Variants in LGSN observed in about 807,000 individuals in gnomAD.
LGSN encodes the protein lengsin.
In LGSN, 21 loss-of-function variants were observed where a neutral mutation model predicts 19.5. The observed-to-expected ratio is 1.07, with a 90% CI of 0.76 to 1.55. The LOEUF (loss-of-function observed/expected upper bound fraction) is 1.55. Ranked by LOEUF, LGSN falls within the 40% of genes most tolerant of loss-of-function variation. LGSN has a pLI of 0.00. For missense variants in LGSN, 673 were observed against 608.5 expected (o/e 1.11, Z -1.12); for synonymous variants, 257 against 215.6 (o/e 1.19, Z -1.68).
At position 63,290,995 on chromosome 6, in the gene LGSN, T is replaced by C. The variant is rs140657481; in HGVS notation, c.163+3918A>G. Among the ~76,000 whole-genome samples, 1,094 of 152,300 alleles carry C rather than the reference T, an allele frequency of 7.2e-3. 8 individuals are homozygous for C. The highest frequency in any genetic ancestry group is 8.5e-3 in the Non-Finnish European group (575 of 68,016). On this transcript the variant is annotated intron_variant, in intron 2 of 3. Transcript: ENST00000370657. The stretch of plus-strand genomic sequence containing the variant: ...TTGTTAGTGCTCATGCTCTTCACTT[T>C]GGAGAAATTCATAAAGCCAAAGTAG...
chr6:63,358,809 T>C, the LGSN span, among the ~76,000 whole-genome samples: 3 of 152,206 alleles, frequency 2.0e-5, no homozygotes, highest in Admixed American at 1.3e-4. Context: ...CTTTTCCTTA[T>C]TGAATACCCT....
At chr6:63,410,948 G>A in the LGSN span, among the ~76,000 whole-genome samples, 1 of 152,126 alleles carries the variant, frequency 6.6e-6, no homozygotes, top group Non-Finnish European at 1.5e-5. Context: ...TTGGCATAAA[G>A]CTAGGCCAGA....
the LGSN span, among the ~76,000 whole-genome samples, chr6:63,438,297 A>G: frequency 6.6e-6 from 1 of 152,188 alleles, no homozygotes; most frequent in Non-Finnish European, 1.5e-5. Context: ...GGCATGGGTA[A>G]GGACTTCATG....
the LGSN span, among the ~76,000 whole-genome samples, chr6:63,416,265 C>A: frequency 2.0e-5 from 3 of 152,066 alleles, no homozygotes; most frequent in African/African-American, 7.2e-5. Flanking sequence ...CACGGGCATA[C>A]ATGTTTGAAT....
the LGSN span, among the ~76,000 whole-genome samples, chr6:63,351,747 C>T: frequency 3.2e-4 from 49 of 152,224 alleles, no homozygotes; most frequent in African/African-American, 1.2e-3. Flanking sequence ...TATGAGCCTC[C>T]ACACTCAGCC....
the LGSN span, among the ~76,000 whole-genome samples, chr6:63,328,472 G>A: frequency 0.036 from 5,496 of 152,266 alleles, 338 homozygotes; most frequent in African/African-American, 0.13. Flanking sequence ...GGCACCTAGT[G>A]TGCCATTTAC....
At chr6:63,448,713 T>C in the LGSN span, among the ~76,000 whole-genome samples, 1 of 152,180 alleles carries the variant, frequency 6.6e-6, no homozygotes, top group Non-Finnish European at 1.5e-5. Flanking sequence ...TTGTTTCTTT[T>C]TTCTTCTTTT....
intron 2 of LGSN, among the ~76,000 whole-genome samples, chr6:63,289,816 C>A (rs775223791): frequency 1.3e-5 from 2 of 152,032 alleles, no homozygotes; most frequent in African/African-American, 4.8e-5. Context: ...AGTGCACTTG[C>A]GAGAAAACTC....
chr6:63,439,141 G>A, the LGSN span, among the ~76,000 whole-genome samples: 31 of 152,164 alleles, frequency 2.0e-4, no homozygotes, highest in Non-Finnish European at 3.8e-4. Flanking sequence ...ACTCATAGGT[G>A]GGAATTGAAC....
the LGSN span, among the ~76,000 whole-genome samples, chr6:63,519,205 G>A: frequency 6.6e-6 from 1 of 152,108 alleles, no homozygotes; most frequent in Non-Finnish European, 1.5e-5. Flanking sequence ...TACTCAGAAG[G>A]CTGTGGCGGG....
chr6:63,391,383 G>C, the LGSN span, among the ~76,000 whole-genome samples: 1 of 152,220 alleles, frequency 6.6e-6, no homozygotes, highest in Non-Finnish European at 1.5e-5. Flanking sequence ...GTAGAGGACT[G>C]ATAGCAGCTC....
At chr6:63,296,593 A>G (rs1767985230) in intron 1 of LGSN, among the ~76,000 whole-genome samples, 1 of 152,050 alleles carries the variant, frequency 6.6e-6, no homozygotes, top group African/African-American at 2.4e-5. Flanking sequence ...AGCAGACTAA[A>G]TTTGTCTTAG....
chr6:63,546,023 G>T, the LGSN span, among the ~76,000 whole-genome samples: 2 of 152,054 alleles, frequency 1.3e-5, no homozygotes, highest in African/African-American at 4.8e-5. Flanking sequence ...CCACTTCAGG[G>T]TATATATCCA....
At chr6:63,365,535 T>C in the LGSN span, among the ~76,000 whole-genome samples, 4 of 152,210 alleles carry the variant, frequency 2.6e-5, no homozygotes, top group Non-Finnish European at 5.9e-5. Context: ...CCATTCCTTC[T>C]GAAACTATTC....
the LGSN span, among the ~76,000 whole-genome samples, chr6:63,436,785 C>A: frequency 6.6e-6 from 1 of 152,110 alleles, no homozygotes; most frequent in Admixed American, 6.6e-5. Flanking sequence ...CCTGTAATCC[C>A]AACACTTTGG....
At chr6:63,478,447 T>C in the LGSN span, among the ~76,000 whole-genome samples, 1 of 151,668 alleles carries the variant, frequency 6.6e-6, no homozygotes, top group Non-Finnish European at 1.5e-5. Flanking sequence ...TCTTCATGTA[T>C]TGCTTTCCCT....
the LGSN span, among the ~76,000 whole-genome samples, chr6:63,532,907 T>C: frequency 6.6e-6 from 1 of 152,222 alleles, no homozygotes; most frequent in Non-Finnish European, 1.5e-5. Context: ...AATCCATTAA[T>C]AATTAATGTA....
the LGSN span, chr6:63,441,369 T>G: frequency 2.1e-6 from 1 of 471,530 alleles, no homozygotes; most frequent in South Asian, 1.9e-5. Flanking sequence ...GCTGGTCACC[T>G]TGTCGTCAGC....
chr6:63,295,097 A>T, intron 1 of LGSN, 52 bp from the exon 2 acceptor site: 1 of 1,525,336 alleles, frequency 6.6e-7, no homozygotes. Flanking sequence ...TCAAACAATG[A>T]TATTTGGATG....
Sources: allele counts gnomAD v4.1 joint callset (sites outside exome capture counted in the v4.1 genomes callset), GRCh38; gene constraint gnomAD v4.1.1; transcripts MANE v1.5; gene names NCBI Gene and HGNC (gene_info 2026-07-23, HGNC 2026-07-21).